The following TAF12 variants were observed in gnomAD, a reference collection of about 807,000 sequenced individuals.
TAF12 encodes the protein TATA-box binding protein associated factor 12, also known as transcription initiation factor TFIID subunit 12.
Under a neutral mutation model 20.8 loss-of-function variants are expected in TAF12, and 3 were observed. That is an observed-to-expected ratio of 0.14 (90% CI 0.07 to 0.37). The LOEUF is 0.37. Among genes scored for constraint, TAF12 ranks in the 10% least tolerant of loss-of-function variants. The probability of loss-of-function intolerance (pLI) is 1.00; values close to 1 mark genes in which losing one functional copy is unlikely to be tolerated. For missense variants in TAF12, 131 were observed against 197.9 expected (o/e 0.66, Z 2.03); for synonymous variants, 69 against 70.2 (o/e 0.98, Z 0.09).
At chr1:28,605,642 A>C (rs572807350) in intron 4 of TAF12, among the ~76,000 whole-genome samples, 182 bp from the exon 5 acceptor site, 31 of 151,972 alleles carry the variant, frequency 2.0e-4, no homozygotes, top group South Asian at 4.2e-4. Context: ...TTTTTTTTGG[A>C]GACAGGGTCT....
At chr1:28,645,334 CTCT>C (rs897512271), upstream of TAF12, among the ~76,000 whole-genome samples, 8 of 149,586 alleles carry the variant, frequency 5.3e-5, no homozygotes, top group Admixed American at 1.3e-4. Context: ...TGCGCCCGGC[CTCT>C]TCTTTTTTTT....
At chr1:28,642,904 G>C (rs1438007281) in intron 1 of TAF12, 88 bp downstream of exon 1, 27 of 986,102 alleles carry the variant, frequency 2.7e-5, no homozygotes, top group Non-Finnish European at 3.1e-5. Flanking sequence ...TCCACAACCT[G>C]GTCCTTCGAA....
At chr1:28,633,446 G>A (rs1358398888) in intron 1 of TAF12, among the ~76,000 whole-genome samples, 2 of 150,164 alleles carry the variant, frequency 1.3e-5, no homozygotes, top group African/African-American at 4.9e-5. Context: ...GGGATTACAG[G>A]CATGAGACAC....
At chr1:28,631,286 C>A (rs1023853015) in intron 1 of TAF12, among the ~76,000 whole-genome samples, 7 of 151,898 alleles carry the variant, frequency 4.6e-5, no homozygotes, top group African/African-American at 1.7e-4. Context: ...CTTTGGGAGG[C>A]CGAGGCAGGC....
chr1:28,626,922 T>A (rs545892606), intron 1 of TAF12, among the ~76,000 whole-genome samples: 28 of 150,826 alleles, frequency 1.9e-4, no homozygotes, highest in East Asian at 7.8e-4. Flanking sequence ...AAAAAAAAAA[T>A]TTTTTTTTTA....
chr1:28,623,881 G>T, intron 1 of TAF12: 1 of 817,070 alleles, frequency 1.2e-6, no homozygotes, highest in Non-Finnish European at 1.5e-6. Context: ...ACGTCAGCTT[G>T]GGTGTCATCA....
intron 1 of TAF12, among the ~76,000 whole-genome samples, chr1:28,626,089 C>T (rs1207256649): frequency 1.3e-5 from 2 of 151,850 alleles, no homozygotes; most frequent in Non-Finnish European, 2.9e-5. Context: ...CAAGCAATTC[C>T]TGCCTCAGCC....
intron 1 of TAF12, among the ~76,000 whole-genome samples, chr1:28,631,617 C>T (rs1473763492): frequency 6.6e-6 from 1 of 152,036 alleles, no homozygotes; most frequent in Non-Finnish European, 1.5e-5. Flanking sequence ...ACTGCTTAAG[C>T]TAAGGAGTTT....
intron 1 of TAF12, among the ~76,000 whole-genome samples, chr1:28,642,167 AAAATGAAGAT>A (rs1341497722): frequency 6.6e-6 from 1 of 152,200 alleles, no homozygotes; most frequent in Non-Finnish European, 1.5e-5. Context: ...AATGAAGCAG[AAAATGAAGAT>A]GTTTGCATAT....
chr1:28,617,356 C>T (rs1667075746), intron 3 of TAF12, among the ~76,000 whole-genome samples: 1 of 151,894 alleles, frequency 6.6e-6, no homozygotes, highest in Non-Finnish European at 1.5e-5. Flanking sequence ...ACAATCTTGG[C>T]TTACTGCAAC....
At chr1:28,643,596 T>G (rs927739381), upstream of TAF12, 3 of 152,326 alleles carry the variant, frequency 2.0e-5, no homozygotes, top group Admixed American at 2.0e-4. Flanking sequence ...GCTAATCCGC[T>G]TACCTCCGTT....
At chr1:28,642,590 G>C (rs1468287351) in intron 1 of TAF12, 9 of 964,220 alleles carry the variant, frequency 9.3e-6, no homozygotes, top group Admixed American at 6.2e-5. Context: ...ATCCTTAGGA[G>C]CCCGGGTCTT....
Position 28,624,874 on chromosome 1 carries a change from T to C in TAF12, c.-84-2709A>G, listed in dbSNP as rs571860084. 7.9e-5 allele frequency among the ~76,000 whole-genome samples: 12 copies of C among 152,352 alleles called. 2 individuals are homozygous for C. The highest frequency in any genetic ancestry group is 2.9e-4 in the African/African-American group (12 of 41,586). The stretch of plus-strand genomic sequence containing the variant: ...ACCAAGATTAACTAGGCTGACTTGC[T>C]GGCCAAGAACCAGCTGATGGGGACA... On this transcript the variant is annotated intron_variant, in intron 1 of 5. Transcript: ENST00000373824.
rs1666633429 is a variant in TAF12 at position 28,605,384 on chromosome 1, T to C, written c.438A>G (p.Glu146=). The change falls in exon 5 of 6, where the codon GAA becomes GAG. Residue 146 remains glutamate (E), a synonymous_variant. Transcript: ENST00000373824. ...IRPYKKACTT[E]AHKQRMALIR... ...GGCATTTCCTCACCTGTTTGTGAGCTTCTGTGGTGCAAGCTTTTTTGTAGG... is the reference window on the plus strand; with the variant it reads ...GGCATTTCCTCACCTGTTTGTGAGCCTCTGTGGTGCAAGCTTTTTTGTAGG... The C allele has an allele frequency of 6.2e-7, 1 of 1,613,978 alleles. No individual in the cohort carries two copies. Among genetic ancestry groups the C allele is most frequent in the Admixed American group, 1.7e-5 (1 of 59,980 alleles).
In TAF12 at chr1:28,648,250, G is replaced by C. The variant is rs886822718; in HGVS notation, c.-130C>G. On this transcript the variant is annotated 5_prime_UTR_variant, in exon 1 of 6. Coordinates refer to the TAF12 transcript ENST00000685312. ...CCAACGCCATGAGACGCCTTCTGTCGTGAGCAGTTGACAAGAAAGACCCAG... is the reference window on the plus strand; with the variant it reads ...CCAACGCCATGAGACGCCTTCTGTCCTGAGCAGTTGACAAGAAAGACCCAG... The C allele has an allele frequency of 5.1e-6, 5 of 985,210 alleles. No individual in the cohort carries two copies. The South Asian group carries it at 1.9e-4, about 37-fold the overall frequency. 61.0% of individuals were successfully genotyped at this position (985,210 alleles called of 1,614,324 possible).
chr1:28,627,214 C>T (rs1232441580), intron 1 of TAF12, among the ~76,000 whole-genome samples: 1 of 151,634 alleles, frequency 6.6e-6, no homozygotes, highest in Admixed American at 6.6e-5. Flanking sequence ...TGGTGAAACC[C>T]CCATCTCTAC....
At chr1:28,645,165 A>G (rs1303808138), upstream of TAF12, among the ~76,000 whole-genome samples, 2 of 151,362 alleles carry the variant, frequency 1.3e-5, no homozygotes, top group Non-Finnish European at 2.9e-5. Flanking sequence ...CCTCCCAAGT[A>G]GCTGGGACTA....
intron 5 of TAF12, among the ~76,000 whole-genome samples, chr1:28,604,626 C>T (rs1320509375): frequency 6.6e-6 from 1 of 152,196 alleles, no homozygotes; most frequent in East Asian, 1.9e-4. Flanking sequence ...CCCTTTAGGG[C>T]TTGCTTCGTG....
At chr1:28,616,243 G>A (rs543805151) in intron 3 of TAF12, among the ~76,000 whole-genome samples, 7 of 150,488 alleles carry the variant, frequency 4.7e-5, no homozygotes, top group Middle Eastern at 3.3e-3. Flanking sequence ...CTAAAAATAC[G>A]AAATTAGTCA....
Sources: allele counts gnomAD v4.1 joint callset (sites outside exome capture counted in the v4.1 genomes callset), GRCh38; gene constraint gnomAD v4.1.1; transcripts MANE v1.5; gene names NCBI Gene and HGNC (gene_info 2026-07-23, HGNC 2026-07-21).